Variants in NFIA observed in about 807,000 individuals in gnomAD.
NFIA encodes nuclear factor 1 A-type.
NFIA carries 8 observed loss-of-function variants against 62.8 expected under a neutral mutation model. The ratio of observed to expected loss-of-function variants is 0.13; its 90% CI spans 0.07 to 0.23. NFIA has a LOEUF of 0.23. NFIA is among the 10% of genes least tolerant of loss of function. The probability of loss-of-function intolerance (pLI) is 1.00; values close to 1 mark genes in which losing one functional copy is unlikely to be tolerated. For missense variants in NFIA, 410 were observed against 642.1 expected, an observed-to-expected ratio of 0.64 and a Z score of 3.91; for synonymous variants, 235 against 238.1, an observed-to-expected ratio of 0.99 and a Z score of 0.12.
chr1:61,444,064 A>G (rs1037471193), intron 10 of NFIA, among the ~76,000 whole-genome samples: 6 of 152,112 alleles, frequency 3.9e-5, no homozygotes, highest in African/African-American at 1.4e-4. Context: ...ATTTCTCTTC[A>G]TAACTTAATC....
At chr1:61,152,616 T>C (rs1462348073) in intron 2 of NFIA, among the ~76,000 whole-genome samples, 2 of 152,220 alleles carry the variant, frequency 1.3e-5, no homozygotes, top group Non-Finnish European at 2.9e-5. Context: ...CTCTAAGACT[T>C]TCCAAGAGTA....
In NFIA at chr1:61,453,443, C is replaced by G. The variant is rs141477159; in HGVS notation, c.1513-1860C>G. Among the ~76,000 whole-genome samples the G allele has an allele frequency of 1.6e-3, 124 of 78,824 alleles. 1 individual carries two copies. Among genetic ancestry groups the G allele is most frequent in the African/African-American group, 6.0e-3 (117 of 19,474 alleles). 51.7% of individuals were successfully genotyped at this position (78,824 alleles called of 152,430 possible). On this transcript the variant is annotated intron_variant, in intron 10 of 10. Transcript: ENST00000403491. Reference sequence around the variant, plus strand: ...CTGAATAGTAAGATGTGTGAAGAAACTTTTTTTTTTTTTTTTTTTTTTTTG... The same window carrying G: ...CTGAATAGTAAGATGTGTGAAGAAAGTTTTTTTTTTTTTTTTTTTTTTTTG...
intron 7 of NFIA, among the ~76,000 whole-genome samples, chr1:61,387,474 T>C (rs11810851): frequency 3.0e-4 from 33 of 111,522 alleles, no homozygotes; most frequent in African/African-American, 5.2e-4. Context: ...CTTTCTTTTT[T>C]TTTTTTTTTT....
At chr1:61,433,721 C>T (rs972582839) in intron 10 of NFIA, among the ~76,000 whole-genome samples, 2 of 152,084 alleles carry the variant, frequency 1.3e-5, no homozygotes, top group African/African-American at 4.8e-5. Flanking sequence ...ATAAGAGTTA[C>T]ACTTTGAAGT....
chr1:61,381,963 C>T (rs748876032), intron 6 of NFIA, among the ~76,000 whole-genome samples: 4 of 152,206 alleles, frequency 2.6e-5, no homozygotes, highest in Non-Finnish European at 5.9e-5. Context: ...ATAACAGTTA[C>T]ATGTTAATAT....
At chr1:61,344,748 G>A (rs1483682040) in intron 4 of NFIA, among the ~76,000 whole-genome samples, 1 of 152,184 alleles carries the variant, frequency 6.6e-6, no homozygotes, top group Non-Finnish European at 1.5e-5. Flanking sequence ...GGACAAACTA[G>A]TCATTTCGTT....
chr1:61,344,190 C>T (rs912006375), intron 4 of NFIA, among the ~76,000 whole-genome samples: 7 of 152,102 alleles, frequency 4.6e-5, no homozygotes, highest in Admixed American at 2.0e-4. Flanking sequence ...ACGATGATTC[C>T]AGATTTGCTT....
chr1:61,265,651 C>T (rs1489853277), intron 2 of NFIA, among the ~76,000 whole-genome samples: 2 of 152,084 alleles, frequency 1.3e-5, no homozygotes, highest in Non-Finnish European at 1.5e-5. Context: ...AATAATATAA[C>T]GTAGAGAAGG....
chr1:61,140,609 A>G (rs1328592769), intron 2 of NFIA, among the ~76,000 whole-genome samples: 1 of 152,078 alleles, frequency 6.6e-6, no homozygotes, highest in Non-Finnish European at 1.5e-5. Flanking sequence ...TGGAGAACTC[A>G]GTGATAAAAG....
intron 9 of NFIA, 77 bp downstream of exon 9, chr1:61,406,804 C>G: frequency 6.9e-7 from 1 of 1,439,000 alleles, no homozygotes. Context: ...CTTTGTCCCT[C>G]ACTGTATAGG....
At chr1:61,363,744 C>T (rs1436202975) in intron 6 of NFIA, among the ~76,000 whole-genome samples, 2 of 151,956 alleles carry the variant, frequency 1.3e-5, no homozygotes, top group Non-Finnish European at 2.9e-5. Flanking sequence ...ACATAGGACA[C>T]AATATATAAG....
At chr1:61,082,181 G>C (rs1646106748), upstream of NFIA, 1 of 175,268 alleles carries the variant, frequency 5.7e-6, no homozygotes, top group Non-Finnish European at 1.1e-5. Flanking sequence ...GCGTTACCCA[G>C]TAATGCGCTG....
At chr1:61,395,940 A>C (rs1665247410) in intron 7 of NFIA, among the ~76,000 whole-genome samples, 1 of 152,160 alleles carries the variant, frequency 6.6e-6, no homozygotes, top group Non-Finnish European at 1.5e-5. Flanking sequence ...AGCCTTCCTT[A>C]TTTCAATTTT....
At chr1:61,323,325 A>G (rs6675218) in intron 3 of NFIA, among the ~76,000 whole-genome samples, 6,444 of 152,298 alleles carry the variant, frequency 0.042, 236 homozygotes, top group Non-Finnish European at 0.06. Context: ...ATTCTCAGGC[A>G]CAACTTTCTA....
intron 6 of NFIA, among the ~76,000 whole-genome samples, chr1:61,359,948 C>T (rs1663194167): frequency 6.6e-6 from 1 of 152,010 alleles, no homozygotes; most frequent in Non-Finnish European, 1.5e-5. Context: ...TCTTTTAATC[C>T]TAATAAAAAT....
intron 2 of NFIA, among the ~76,000 whole-genome samples, chr1:61,250,815 C>T (rs976413784): frequency 3.9e-5 from 6 of 152,176 alleles, no homozygotes; most frequent in Non-Finnish European, 8.8e-5. Flanking sequence ...GACTTTACTA[C>T]AGGATAACAT....
At chr1:61,080,331 TC>T (rs1431767907), upstream of NFIA, among the ~76,000 whole-genome samples, 1 of 151,376 alleles carries the variant, frequency 6.6e-6, no homozygotes, top group African/African-American at 2.4e-5. Context: ...TTAAAAAAAA[TC>T]TTTTTTTTCC....
At chr1:61,415,011 G>C (rs1261245526) in intron 9 of NFIA, among the ~76,000 whole-genome samples, 1 of 151,992 alleles carries the variant, frequency 6.6e-6, no homozygotes, top group East Asian at 1.9e-4. Flanking sequence ...ATTTTACTTT[G>C]CTTGATTTCC....
intron 2 of NFIA, among the ~76,000 whole-genome samples, chr1:61,226,567 G>C (rs1450646500): frequency 3.3e-5 from 5 of 152,232 alleles, no homozygotes; most frequent in Non-Finnish European, 5.9e-5. Flanking sequence ...TCAGTCCAAA[G>C]ATGGTTGAAA....
Sources: allele counts gnomAD v4.1 joint callset (sites outside exome capture counted in the v4.1 genomes callset), GRCh38; gene constraint gnomAD v4.1.1; transcripts MANE v1.5; gene names NCBI Gene and HGNC (gene_info 2026-07-23, HGNC 2026-07-21).